Variants in ART1 observed in about 807,000 individuals in gnomAD.
ART1 encodes GPI-linked NAD(P)(+)--arginine ADP-ribosyltransferase 1.
Under a neutral mutation model 27.0 loss-of-function variants are expected in ART1, and 29 were observed. The ratio of observed to expected loss-of-function variants is 1.08; its 90% CI spans 0.80 to 1.47. ART1 has a LOEUF of 1.47. Among genes scored for constraint, ART1 ranks in the 40% most tolerant of loss-of-function variants. The pLI is 0.00. For synonymous variants in ART1, 201 were observed against 172.2 expected (o/e 1.17, Z -1.31); for missense variants, 480 against 423.0 (o/e 1.13, Z -1.18).
At chr11:3,661,216 C>G (rs1305752938) in intron 3 of ART1, among the ~76,000 whole-genome samples, 156 bp from the exon 4 acceptor site, 1 of 152,140 alleles carries the variant, frequency 6.6e-6, no homozygotes. Flanking sequence ...CGAGGCAAAC[C>G]TAGTCAAGGG....
At chr11:3,648,530 G>A (rs998430084) in intron 1 of ART1, among the ~76,000 whole-genome samples, 24 of 151,996 alleles carry the variant, frequency 1.6e-4, no homozygotes, top group Non-Finnish European at 1.6e-4. Context: ...CAATCTTGGC[G>A]CCACACTTCA....
In ART1 at chr11:3,660,148, C is replaced by A. The variant is rs138349653; in HGVS notation, c.629C>A (p.Ala210Asp). 9.9e-6 allele frequency: 16 copies of A among 1,613,970 alleles called. No individual in the cohort carries two copies. The highest frequency in any genetic ancestry group is 1.3e-5 in the Non-Finnish European group (15 of 1,180,030). Residue 210 changes from alanine (A) to aspartate (D), a missense_variant, in exon 3 of 5, where the codon GCC becomes GAC. Transcript: ENST00000250693. ...FASASLKHVA[A>D]QQFGEDTFFG... ...TCTGCCTCCCTGAAGCATGTTGCAGCCCAGCAGTTTGGTGAGGACACCTTC... is the reference window on the plus strand; with the variant it reads ...TCTGCCTCCCTGAAGCATGTTGCAGACCAGCAGTTTGGTGAGGACACCTTC...
At chr11:3,659,103 C>A in intron 1 of ART1, 59 bp from the exon 2 acceptor site, 1 of 1,034,688 alleles carries the variant, frequency 9.7e-7, no homozygotes, top group Non-Finnish European at 1.5e-6. Flanking sequence ...AGGAATGGCA[C>A]AGACTAAGTG....
intron 1 of ART1, among the ~76,000 whole-genome samples, chr11:3,653,539 C>A (rs919724078): frequency 4.6e-5 from 7 of 151,994 alleles, no homozygotes; most frequent in Non-Finnish European, 1.0e-4. Flanking sequence ...CCTTCGCTGA[C>A]TCTCTTTTCG....
chr11:3,659,546 C>T, intron 2 of ART1, 37 bp from the exon 3 acceptor site: 1 of 1,550,010 alleles, frequency 6.5e-7, no homozygotes, highest in Non-Finnish European at 8.7e-7. Context: ...CTCCCAGGGG[C>T]CTATCCTCTC....
At chr11:3,661,461 T>TGCTCTGGGGTTGGCCCCC in intron 4 of ART1, 48 bp downstream of exon 4, 1 of 1,423,836 alleles carries the variant, frequency 7.0e-7, no homozygotes, top group Non-Finnish European at 9.6e-7. Flanking sequence ...ATGAGCAGGC[T>TGCTCTGGGGTTGGCCCCC]GCTCTGGGGT....
intron 1 of ART1, among the ~76,000 whole-genome samples, chr11:3,652,268 G>A (rs188680315): frequency 1.4e-3 from 208 of 151,044 alleles, no homozygotes; most frequent in African/African-American, 4.5e-3. Flanking sequence ...GAAGGCCACC[G>A]CAGTCATTTC....
At chr11:3,652,418 G>A (rs538169955) in intron 1 of ART1, among the ~76,000 whole-genome samples, 20 of 149,234 alleles carry the variant, frequency 1.3e-4, no homozygotes, top group African/African-American at 3.6e-4. Flanking sequence ...TATCCCTTAC[G>A]GTCCTCTGTC....
chr11:3,653,244 C>T (rs996602619), intron 1 of ART1, among the ~76,000 whole-genome samples: 3 of 148,530 alleles, frequency 2.0e-5, no homozygotes, highest in East Asian at 1.9e-4. Context: ...GCCTCTGAGC[C>T]GAAGCTAAGC....
At chr11:3,656,180 C>T (rs1411126591) in intron 1 of ART1, among the ~76,000 whole-genome samples, 7 of 151,794 alleles carry the variant, frequency 4.6e-5, no homozygotes, top group Admixed American at 1.3e-4. Context: ...GTGATCCACC[C>T]GCCTTGGCCT....
At chr11:3,663,129 C>CTCATCTCA (rs1554883271) in intron 4 of ART1, among the ~76,000 whole-genome samples, 87 of 147,674 alleles carry the variant, frequency 5.9e-4, no homozygotes, top group African/African-American at 2.1e-3. Flanking sequence ...CTCATCTCAT[C>CTCATCTCA]TCATCTCATC....
intron 1 of ART1, among the ~76,000 whole-genome samples, chr11:3,646,576 G>A (rs922710436): frequency 6.6e-6 from 1 of 152,172 alleles, no homozygotes; most frequent in Non-Finnish European, 1.5e-5. Flanking sequence ...CAGATGCAAA[G>A]AGCCTCTAGA....
intron 1 of ART1, among the ~76,000 whole-genome samples, chr11:3,656,679 A>G (rs926037593): frequency 6.6e-6 from 1 of 151,828 alleles, no homozygotes; most frequent in Non-Finnish European, 1.5e-5. Context: ...TTTAGTAGCA[A>G]TGGTGTCTCA....
intron 1 of ART1, among the ~76,000 whole-genome samples, chr11:3,647,919 G>GCAATAAAAGAGGT (rs1436570567): frequency 5.3e-5 from 8 of 152,178 alleles, no homozygotes; most frequent in African/African-American, 1.9e-4. Flanking sequence ...AAGATAGAGG[G>GCAATAAAAGAGGT]CAATAAAAGA....
intron 1 of ART1, among the ~76,000 whole-genome samples, chr11:3,648,466 C>G (rs185998200): frequency 9.2e-5 from 14 of 152,304 alleles, no homozygotes; most frequent in Admixed American, 3.9e-4. Flanking sequence ...TAAGCAGACT[C>G]TTTTTACTCA....
chr11:3,659,241 C>T lies in ART1; in HGVS notation c.28C>T (p.Leu10Phe). 6.2e-7 allele frequency: 1 copy of T among 1,614,204 alleles called. No homozygotes were observed. ...GCAGATGCCTGCTATGATGTCTCTGCTTCTTGTGTCTGTGGGCCTCATGGA... is the reference window on the plus strand; with the variant it reads ...GCAGATGCCTGCTATGATGTCTCTGTTTCTTGTGTCTGTGGGCCTCATGGA... MQMPAMMSL[L>F]LVSVGLMEAL... The change falls in exon 2 of 5, where the codon CTT becomes TTT. Residue 10 changes from leucine to phenylalanine, a missense_variant. Coordinates refer to ENST00000250693, the MANE Select transcript of ART1 (RefSeq NM_004314.3).
chr11:3,647,641 A>G (rs540469900), intron 1 of ART1, among the ~76,000 whole-genome samples: 2 of 145,628 alleles, frequency 1.4e-5, no homozygotes, highest in Admixed American at 1.3e-4. Context: ...CTCAAAATAA[A>G]TAAATAATAT....
At chr11:3,645,557 C>G (rs908392068) in intron 1 of ART1, among the ~76,000 whole-genome samples, 7 of 152,318 alleles carry the variant, frequency 4.6e-5, no homozygotes, top group Middle Eastern at 3.4e-3. Flanking sequence ...TCTCCCCTGA[C>G]ACTGGTCACC....
chr11:3,650,492 T>C (rs949807134), intron 1 of ART1, among the ~76,000 whole-genome samples: 6 of 152,162 alleles, frequency 3.9e-5, no homozygotes, highest in Admixed American at 3.9e-4. Context: ...GGAAAGTAAG[T>C]CCGTCCCCTT....
Sources: allele counts gnomAD v4.1 joint callset (sites outside exome capture counted in the v4.1 genomes callset), GRCh38; gene constraint gnomAD v4.1.1; transcripts MANE v1.5; gene names NCBI Gene and HGNC (gene_info 2026-07-23, HGNC 2026-07-21).